Variants in CACNA1H observed in about 807,000 individuals in gnomAD.
CACNA1H encodes calcium voltage-gated channel subunit alpha1 H.
In CACNA1H, 149 loss-of-function variants were observed where a neutral mutation model predicts 192.5. The observed-to-expected ratio is 0.77, with a 90% CI of 0.68 to 0.89. The LOEUF (loss-of-function observed/expected upper bound fraction) is 0.89, where lower values mean the gene tolerates loss of function less well. Among genes scored for constraint, CACNA1H ranks in the 40% least tolerant of loss-of-function variants. The pLI is 0.00. For missense variants in CACNA1H, 4,257 were observed against 3,423.5 expected, an observed-to-expected ratio of 1.24 and a Z score of -6.08; for synonymous variants, 2,202 against 1,475.2, an observed-to-expected ratio of 1.49 and a Z score of -11.29.
At chr16:1,217,512 GCCCAGTCCCTGCAGGGCCCTCC>G (rs1368873024) in intron 31 of CACNA1H, among the ~76,000 whole-genome samples, 1 of 152,094 alleles carries the variant, frequency 6.6e-6, no homozygotes, top group Non-Finnish European at 1.5e-5. Context: ...ACTTCAGGCA[GCCCAGTCCCTGCAGGGCCCTCC>G]CCCGGGCCCT....
chr16:1,175,513 C>T (rs746623641), intron 2 of CACNA1H, among the ~76,000 whole-genome samples: 1 of 152,114 alleles, frequency 6.6e-6, no homozygotes, highest in African/African-American at 2.4e-5. Context: ...CACCCTGTAG[C>T]CTCCAGCTCC....
chr16:1,154,949 C>G (rs1001967963), intron 2 of CACNA1H, among the ~76,000 whole-genome samples: 4 of 152,144 alleles, frequency 2.6e-5, no homozygotes, highest in Non-Finnish European at 5.9e-5. Context: ...TCTGAGCCGG[C>G]AGCTGGGGTG....
At chr16:1,203,372 G>A (rs1001250213) in intron 9 of CACNA1H, among the ~76,000 whole-genome samples, 2 of 152,104 alleles carry the variant, frequency 1.3e-5, no homozygotes, top group East Asian at 3.9e-4. Flanking sequence ...GTGTGCTGTG[G>A]CTGCTGGGAA....
chr16:1,166,624 T>C (rs1335655215), intron 2 of CACNA1H, among the ~76,000 whole-genome samples: 2 of 151,980 alleles, frequency 1.3e-5, no homozygotes, highest in Non-Finnish European at 2.9e-5. Flanking sequence ...TGTCTCGGCG[T>C]CTCCCGCTGG....
Position 1,215,092 on chromosome 16 carries a change from TG to T in CACNA1H, c.5039+15del. ...GTTCTTCAAGGACAGGTGTGTGTGG[TG>T]GGGCCGTCTTGGGTTCTGGGGGCCC... On this transcript the variant is annotated intron_variant, in intron 28 of 34. Transcript: ENST00000348261. The T allele has an allele frequency of 6.2e-7, 1 of 1,606,672 alleles. No individual in the cohort carries two copies. The highest frequency in any genetic ancestry group is 8.5e-7 in the Non-Finnish European group (1 of 1,176,066).
Position 1,180,179 on chromosome 16 carries a change from C to G in CACNA1H, c.300-14793C>G, listed in dbSNP as rs1042451588. 1.3e-5 allele frequency among the ~76,000 whole-genome samples: 2 copies of G among 152,238 alleles called. No individual in the cohort carries two copies. The highest frequency in any genetic ancestry group is 4.8e-5 in the African/African-American group (2 of 41,468). ...GGGTCCCTGTCCCTGCACACCGGGTCAGCCGGCTCCTGGGTGCACAGGCAG... is the reference window on the plus strand; with the variant it reads ...GGGTCCCTGTCCCTGCACACCGGGTGAGCCGGCTCCTGGGTGCACAGGCAG... On this transcript the variant is annotated intron_variant, in intron 2 of 34. Transcript: ENST00000348261. This position sits in a 1 kb window ranked among gnomAD's most constrained non-coding sequence, Gnocchi z 4.4.
Position 1,220,289 on chromosome 16 carries a change from C to T in CACNA1H, c.6357C>T (p.Gly2119=), listed in dbSNP as rs754165259. The change falls in exon 35 of 35, where the codon GGC becomes GGT. Residue 2119 remains glycine, a synonymous_variant. Transcript: ENST00000348261. ...CPWQPTAEPH[G]PEASPVAGGE... ...GGCAGCCCACAGCCGAGCCCCATGG[C>T]CCCGAAGCCTCTCCGGTGGCCGGCG... 1 of 1,578,838 alleles carries T rather than the reference C, an allele frequency of 6.3e-7. No homozygotes were observed. Among genetic ancestry groups the T allele is most frequent in the East Asian group, 2.3e-5 (1 of 42,862 alleles).
intron 2 of CACNA1H, among the ~76,000 whole-genome samples, chr16:1,174,254 C>T (rs79462658): frequency 0.021 from 3,197 of 152,332 alleles, 98 homozygotes; most frequent in African/African-American, 0.068. Flanking sequence ...CTCCTGGGTT[C>T]AAGGCCACCC....
At chr16:1,189,388 A>T (rs1413165744) in intron 2 of CACNA1H, among the ~76,000 whole-genome samples, 1 of 128,384 alleles carries the variant, frequency 7.8e-6, no homozygotes, top group Admixed American at 8.5e-5. Context: ...AGGTGCCCTG[A>T]AGAGTGTCCT....
Position 1,175,672 on chromosome 16 carries a change from C to T in CACNA1H, c.300-19300C>T, listed in dbSNP as rs145855091. ...GGTCCCTGACACACACTAGTTACTC[C>T]GCAGATGCCGGAGGGAGGAGGAGGA... On this transcript the variant is annotated intron_variant, in intron 2 of 34. Transcript: ENST00000348261. Among the ~76,000 whole-genome samples the T allele has an allele frequency of 1.4e-4, 22 of 152,350 alleles. 1 individual carries two copies. The highest frequency in any genetic ancestry group is 2.6e-4 in the Non-Finnish European group (18 of 68,034).
intron 8 of CACNA1H, among the ~76,000 whole-genome samples, 152 bp downstream of exon 8, chr16:1,200,960 A>G (rs1426439489): frequency 2.0e-5 from 3 of 150,112 alleles, no homozygotes; most frequent in Non-Finnish European, 3.0e-5. Flanking sequence ...GGGGGTGGGG[A>G]GGTGTGGCTG....
chr16:1,164,011 G>A (rs577834830), intron 2 of CACNA1H, among the ~76,000 whole-genome samples: 5 of 152,330 alleles, frequency 3.3e-5, no homozygotes, highest in East Asian at 1.9e-4. Context: ...AGGAGCAGCC[G>A]ATGGGTGCGG....
At chr16:1,165,564 T>C (rs924273605) in intron 2 of CACNA1H, among the ~76,000 whole-genome samples, 2 of 152,074 alleles carry the variant, frequency 1.3e-5, no homozygotes, top group Non-Finnish European at 2.9e-5. Context: ...CTCCGGTGCA[T>C]CTGGGCATGG....
intron 2 of CACNA1H, among the ~76,000 whole-genome samples, chr16:1,177,058 C>G (rs906435525): frequency 6.6e-6 from 1 of 152,182 alleles, no homozygotes; most frequent in Non-Finnish European, 1.5e-5. Flanking sequence ...CGCACCTTCT[C>G]TGAACCCTAC....
rs757833071 is a variant in CACNA1H, at chr16:1,211,901, C to T, written c.4567-45C>T. On this transcript the variant is annotated intron_variant, in intron 24 of 34. Transcript: ENST00000348261. ...TCGGGGGGCCATCCTGGGTAGGGCCCCTGGCGGGGCAGGCGGGCGGGGACC... is the reference window on the plus strand; with the variant it reads ...TCGGGGGGCCATCCTGGGTAGGGCCTCTGGCGGGGCAGGCGGGCGGGGACC... 8 of 1,611,706 alleles carry T rather than the reference C, an allele frequency of 5.0e-6. No homozygotes were observed. The African/African-American group carries it at 6.7e-5, about 13-fold the overall frequency.
rs756640559 is a variant in CACNA1H at position 1,206,098 on chromosome 16, C to T, written c.2604-6C>T. The T allele has an allele frequency of 3.4e-5, 54 of 1,565,832 alleles. No individual in the cohort carries two copies. The highest frequency in any genetic ancestry group is 4.7e-5 in the Non-Finnish European group (54 of 1,158,796). On this transcript the variant is annotated splice_region_variant and splice_polypyrimidine_tract_variant and intron_variant, in intron 11 of 34. Coordinates refer to ENST00000348261, the MANE Select transcript of CACNA1H (RefSeq NM_021098.3). ...CCCGCTGACCCTCGCCCCCACCTGT[C>T]CGCAGCGTCTGGGAGATCGTGGGGC...
intron 2 of CACNA1H, among the ~76,000 whole-genome samples, chr16:1,189,397 C>CTTTTTTTTT (rs3990780): frequency 4.4e-5 from 2 of 45,036 alleles, no homozygotes; most frequent in African/African-American, 1.1e-4. Context: ...GAAGAGTGTC[C>CTTTTTTTTT]TTTTTTTTTT....
chr16:1,179,247 G>A (rs2151747746), intron 2 of CACNA1H, among the ~76,000 whole-genome samples: 1 of 152,130 alleles, frequency 6.6e-6, no homozygotes, highest in South Asian at 2.1e-4. Context: ...GCGGCCCTGT[G>A]GGTGGGGTTT....
At chr16:1,166,563 G>A (rs1012458245) in intron 2 of CACNA1H, among the ~76,000 whole-genome samples, 3 of 152,116 alleles carry the variant, frequency 2.0e-5, no homozygotes, top group Admixed American at 6.5e-5. Flanking sequence ...CCCCAGCAGC[G>A]ATGGGTTCCA....
Sources: allele counts gnomAD v4.1 joint callset (sites outside exome capture counted in the v4.1 genomes callset), GRCh38; gene constraint gnomAD v4.1.1; non-coding constraint Gnocchi (gnomAD v3.1); transcripts MANE v1.5; gene names NCBI Gene and HGNC (gene_info 2026-07-23, HGNC 2026-07-21).